Variants in STXBP5 observed in about 807,000 individuals in gnomAD.
The protein encoded by STXBP5 is syntaxin-binding protein 5.
In STXBP5, 50 loss-of-function variants were observed where a neutral mutation model predicts 152.4. The ratio of observed to expected loss-of-function variants is 0.33; its 90% confidence interval spans 0.26 to 0.42. The LOEUF is 0.42. Ranked by LOEUF, STXBP5 falls within the 10% of genes least tolerant of loss-of-function variation. STXBP5 has a pLI of 1.00. For missense variants in STXBP5, 1,167 were observed against 1,388.6 expected, an observed-to-expected ratio of 0.84 and a Z score of 2.54; for synonymous variants, 492 against 494.7, an observed-to-expected ratio of 0.99 and a Z score of 0.07.
rs965782514 is a variant in STXBP5, at chr6:147,333,687, A to G, written c.2081-470A>G. Among the ~76,000 whole-genome samples, 3 of 152,310 alleles carry G rather than the reference A, an allele frequency of 2.0e-5. No individual in the cohort carries two copies. In the East Asian group the frequency reaches 5.8e-4, roughly 29 times the overall value. ...AAAGCTTTCTCAGTGACTGTTGGAA[A>G]TGTGACATCATGTCTTTTACCAAAG... On this transcript the variant is annotated intron_variant, in intron 18 of 27. Transcript: ENST00000321680.
At chr6:147,319,732 A>G (rs1045740722) in intron 16 of STXBP5, among the ~76,000 whole-genome samples, 2 of 152,028 alleles carry the variant, frequency 1.3e-5, no homozygotes, top group Admixed American at 6.6e-5. Flanking sequence ...TTAAAGACAC[A>G]CATAGGAGAT....
At chr6:147,208,988 G>C (rs2115022040) in intron 2 of STXBP5, among the ~76,000 whole-genome samples, 1 of 152,182 alleles carries the variant, frequency 6.6e-6, no homozygotes, top group South Asian at 2.1e-4. Flanking sequence ...GGCTTCTGGA[G>C]AGAATATGAG....
At chr6:147,290,423 A>G (rs1380239164) in intron 8 of STXBP5, among the ~76,000 whole-genome samples, 1 of 152,208 alleles carries the variant, frequency 6.6e-6, no homozygotes, top group Non-Finnish European at 1.5e-5. Context: ...CAGAAGAAGT[A>G]TTATAATGTG....
chr6:147,324,093 C>T (rs905023321), intron 16 of STXBP5, among the ~76,000 whole-genome samples: 1 of 151,972 alleles, frequency 6.6e-6, no homozygotes, highest in Non-Finnish European at 1.5e-5. Context: ...TCTCTGCGAA[C>T]AAAAATACTG....
At chr6:147,252,242 A>G (rs576355337) in intron 4 of STXBP5, among the ~76,000 whole-genome samples, 1 of 152,248 alleles carries the variant, frequency 6.6e-6, no homozygotes, top group South Asian at 2.1e-4. Flanking sequence ...ACGAATTGAC[A>G]GAAGTAGGTT....
chr6:147,360,045 A>T (rs1784994646), intron 23 of STXBP5, among the ~76,000 whole-genome samples: 1 of 152,256 alleles, frequency 6.6e-6, no homozygotes, highest in African/African-American at 2.4e-5. Context: ...CACATGAAAA[A>T]ATGCTCGCCA....
intron 5 of STXBP5, 69 bp downstream of exon 5, chr6:147,260,818 G>A: frequency 1.3e-6 from 2 of 1,513,042 alleles, no homozygotes; most frequent in South Asian, 2.5e-5. Flanking sequence ...TTACATCATA[G>A]CCAATCAGTA....
chr6:147,359,356 A>G, intron 23 of STXBP5, 33 bp downstream of exon 23: 2 of 1,591,918 alleles, frequency 1.3e-6, no homozygotes, highest in Non-Finnish European at 8.6e-7. Context: ...GAGTTACATT[A>G]CAGGTGTGAT....
intron 8 of STXBP5, among the ~76,000 whole-genome samples, chr6:147,280,067 C>CTT (rs11423985): frequency 1.6e-3 from 241 of 146,272 alleles, no homozygotes; most frequent in African/African-American, 4.1e-3. Flanking sequence ...ATTCCATGGT[C>CTT]TTTTTTTTTT....
chr6:147,353,935 G>A (rs2047286), intron 22 of STXBP5, among the ~76,000 whole-genome samples: 103,244 of 151,900 alleles, frequency 0.68, 36,130 homozygotes, highest in African/African-American at 0.86. Context: ...TCTAACCCAC[G>A]AACAGCACCT....
rs775593395 is a variant in STXBP5, at chr6:147,390,165, G to A, written c.*5410G>A. 7.3e-5 allele frequency: 11 copies of A among 151,438 alleles called. No homozygotes were observed. Among genetic ancestry groups the A allele is most frequent in the Admixed American group, 2.6e-4 (4 of 15,194 alleles). 9.4% of individuals were successfully genotyped at this position (151,438 alleles called of 1,614,324 possible). On this transcript the variant is annotated 3_prime_UTR_variant, in exon 28 of 28. Coordinates refer to ENST00000321680, the MANE Select transcript of STXBP5 (RefSeq NM_001127715.4). ...TGCTGGAATATGCATTTTGAAATAC[G>A]GTTTAAAAAAAATCTGTGTATTGTT...
At chr6:147,215,577 T>TAA (rs1777123434) in intron 2 of STXBP5, among the ~76,000 whole-genome samples, 1 of 152,066 alleles carries the variant, frequency 6.6e-6, no homozygotes, top group Non-Finnish European at 1.5e-5. Flanking sequence ...AGCCTGGGTT[T>TAA]TGTCATGTTG....
At chr6:147,354,643 A>G (rs1330010940) in intron 22 of STXBP5, among the ~76,000 whole-genome samples, 2 of 152,168 alleles carry the variant, frequency 1.3e-5, no homozygotes, top group Non-Finnish European at 1.5e-5. Flanking sequence ...AAATCTGGGT[A>G]AACACATGTA....
At chr6:147,210,029 AT>A (rs1776768548) in intron 2 of STXBP5, among the ~76,000 whole-genome samples, 2 of 152,300 alleles carry the variant, frequency 1.3e-5, no homozygotes, top group Admixed American at 6.5e-5. Flanking sequence ...AGAAAGCATG[AT>A]TTTTTAGCAT....
rs565061812 is a variant in STXBP5 at position 147,218,599 on chromosome 6, G to A, written c.248+12531G>A. On this transcript the variant is annotated intron_variant, in intron 2 of 27. Coordinates refer to ENST00000321680, the MANE Select transcript of STXBP5 (RefSeq NM_001127715.4). The stretch of plus-strand genomic sequence containing the variant: ...GGGCTCGAGCAATCCTTCCACCTCA[G>A]CCTCCTGAGTAACTGGGACCACAGG... Among the ~76,000 whole-genome samples the A allele has an allele frequency of 5.3e-5, 8 of 152,044 alleles. No individual in the cohort carries two copies. The East Asian group carries it at 1.6e-3, about 29-fold the overall frequency.
At chr6:147,312,748 A>G (rs966531288) in intron 11 of STXBP5, among the ~76,000 whole-genome samples, 1 of 152,204 alleles carries the variant, frequency 6.6e-6, no homozygotes, top group Non-Finnish European at 1.5e-5. Flanking sequence ...TTACTAATCA[A>G]TTGTGAGGAG....
At chr6:147,305,548 A>G (rs1201198691) in intron 9 of STXBP5, among the ~76,000 whole-genome samples, 3 of 152,222 alleles carry the variant, frequency 2.0e-5, no homozygotes. Context: ...TTTAATTGAC[A>G]TATAATCTGC....
rs751493478 is a variant in STXBP5 at position 147,204,565 on chromosome 6, C to G, written c.33C>G (p.Asp11Glu). 6.2e-7 allele frequency: 1 copy of G among 1,611,138 alleles called. No individual in the cohort carries two copies. The highest frequency in any genetic ancestry group is 8.5e-7 in the Non-Finnish European group (1 of 1,178,724). MRKFNIRKVL[D>E]GLTAGSSSAS... ...AATTCAACATCAGGAAGGTGCTGGA[C>G]GGCCTGACCGCCGGCTCGTCCTCGG... Residue 11 changes from aspartate to glutamate, a missense_variant, in exon 1 of 28, where the codon GAC (aspartate) becomes GAG (glutamate). Around this residue, in one of 3 missense-constraint regions of STXBP5, gnomAD observed 310 missense variants for 346.1 expected, o/e 0.90. Coordinates refer to ENST00000321680, the MANE Select transcript of STXBP5 (RefSeq NM_001127715.4). The surrounding 1 kb of genome is among the most constrained non-coding windows in gnomAD (Gnocchi z 4.3).
intron 7 of STXBP5, among the ~76,000 whole-genome samples, chr6:147,269,794 T>C (rs1780067435): frequency 6.6e-6 from 1 of 152,024 alleles, no homozygotes; most frequent in South Asian, 2.1e-4. Context: ...TGTGAAAGAA[T>C]GGAGGAAAAA....
Sources: gnomAD v4.1 joint callset for allele counts (sites outside exome capture counted in the v4.1 genomes callset) on GRCh38, gnomAD v4.1.1 for gene constraint, gnomAD v4.1.1 regional missense constraint, Gnocchi (gnomAD v3.1) non-coding constraint, MANE v1.5 for transcripts, NCBI Gene and HGNC (gene_info 2026-07-23, HGNC 2026-07-21) for gene names.